Variants in FHIT observed in about 807,000 individuals in gnomAD.
FHIT encodes the protein bis(5'-adenosyl)-triphosphatase.
In FHIT, 19 loss-of-function variants were observed where a neutral mutation model predicts 17.9. The ratio of observed to expected loss-of-function variants is 1.06; its 90% CI spans 0.74 to 1.56. The LOEUF is 1.56. Ranked by LOEUF, FHIT falls within the 40% of genes most tolerant of loss-of-function variation. The pLI is 0.00. For synonymous variants in FHIT, 81 were observed against 69.7 expected (o/e 1.16, Z -0.81); for missense variants, 248 against 189.2 (o/e 1.31, Z -1.82).
intron 4 of FHIT, among the ~76,000 whole-genome samples, chr3:60,555,108 C>A (rs1576869485): frequency 6.6e-6 from 1 of 152,326 alleles, no homozygotes; most frequent in South Asian, 2.1e-4. Context: ...TGCACATCTT[C>A]CTTCAATCCT....
intron 2 of FHIT, among the ~76,000 whole-genome samples, chr3:61,183,318 G>GTGAA (rs147134285): frequency 6.6e-6 from 1 of 151,860 alleles, no homozygotes; most frequent in African/African-American, 2.4e-5. Flanking sequence ...TCAACCACAA[G>GTGAA]TGAATGAATG....
chr3:60,304,048 C>A (rs1708560065), intron 5 of FHIT, among the ~76,000 whole-genome samples: 1 of 152,158 alleles, frequency 6.6e-6, no homozygotes, highest in African/African-American at 2.4e-5. Flanking sequence ...TGCACCTTGG[C>A]TCTTGCTTGT....
chr3:60,291,750 G>A (rs1445392534), intron 5 of FHIT, among the ~76,000 whole-genome samples: 1 of 152,184 alleles, frequency 6.6e-6, no homozygotes, highest in South Asian at 2.1e-4. Context: ...TAAATCCAAT[G>A]ACTGGTATCT....
At chr3:60,910,135 TCC>T (rs1706656584) in intron 3 of FHIT, among the ~76,000 whole-genome samples, 2 of 152,152 alleles carry the variant, frequency 1.3e-5, no homozygotes, top group Non-Finnish European at 2.9e-5. Flanking sequence ...GCCCCATCTC[TCC>T]GCCAGAGATA....
At chr3:60,035,593 A>T (rs1427524039) in intron 5 of FHIT, among the ~76,000 whole-genome samples, 5 of 152,170 alleles carry the variant, frequency 3.3e-5, no homozygotes, top group African/African-American at 1.2e-4. Flanking sequence ...GCAAACTTTC[A>T]GTTTGGGGGT....
At chr3:60,312,118 T>G (rs1708976885) in intron 5 of FHIT, among the ~76,000 whole-genome samples, 1 of 151,996 alleles carries the variant, frequency 6.6e-6, no homozygotes, top group Admixed American at 6.6e-5. Context: ...TGTGTAGGAG[T>G]ATAGATGCTC....
At chr3:60,713,987 G>C (rs1378822567) in intron 4 of FHIT, among the ~76,000 whole-genome samples, 53 of 151,968 alleles carry the variant, frequency 3.5e-4, no homozygotes, top group African/African-American at 1.1e-3. Context: ...CCAAAAAAGA[G>C]AATTTTAGAC....
intron 4 of FHIT, among the ~76,000 whole-genome samples, chr3:60,650,589 A>G (rs2039967918): frequency 6.6e-6 from 1 of 152,222 alleles, no homozygotes; most frequent in Non-Finnish European, 1.5e-5. Context: ...AAAAGGCAGG[A>G]AATCTAACAT....
At chr3:59,970,504 T>C (rs1476451701) in intron 7 of FHIT, among the ~76,000 whole-genome samples, 1 of 152,104 alleles carries the variant, frequency 6.6e-6, no homozygotes, top group Non-Finnish European at 1.5e-5. Context: ...ACAAATTTAT[T>C]TTGTCACGAG....
chr3:60,007,079 A>T (rs1310541515), intron 7 of FHIT, among the ~76,000 whole-genome samples: 1 of 152,168 alleles, frequency 6.6e-6, no homozygotes, highest in African/African-American at 2.4e-5. Flanking sequence ...AGAAGAGTGT[A>T]AGCAAGCATA....
chr3:60,976,097 T>TA (rs1491341669), intron 3 of FHIT, among the ~76,000 whole-genome samples: 2 of 38,112 alleles, frequency 5.2e-5, no homozygotes, highest in Non-Finnish European at 1.1e-4. Context: ...TTTCTTTTTC[T>TA]TTTTTTTTTT....
intron 5 of FHIT, among the ~76,000 whole-genome samples, chr3:60,099,856 G>C (rs1488093176): frequency 1.3e-5 from 2 of 152,120 alleles, no homozygotes; most frequent in Non-Finnish European, 2.9e-5. Context: ...GGAAACTCTG[G>C]CTGATTTACC....
At chr3:60,577,151 T>C (rs2037597583) in intron 4 of FHIT, among the ~76,000 whole-genome samples, 1 of 152,166 alleles carries the variant, frequency 6.6e-6, no homozygotes, top group Admixed American at 6.5e-5. Context: ...TTTTTGGTTT[T>C]AACCTATCAT....
At chr3:60,025,424 A>G (rs1463751509) in intron 5 of FHIT, among the ~76,000 whole-genome samples, 1 of 152,218 alleles carries the variant, frequency 6.6e-6, no homozygotes, top group African/African-American at 2.4e-5. Flanking sequence ...ATGATTAGAA[A>G]CAGGCTCAGA....
intron 4 of FHIT, among the ~76,000 whole-genome samples, chr3:60,715,724 A>T (rs2041666871): frequency 6.6e-6 from 1 of 152,072 alleles, no homozygotes; most frequent in Admixed American, 6.6e-5. Context: ...ATACATATGT[A>T]ACTAACCTGC....
At chr3:60,149,483 T>C (rs760289037) in intron 5 of FHIT, among the ~76,000 whole-genome samples, 9 of 152,118 alleles carry the variant, frequency 5.9e-5, no homozygotes, top group Non-Finnish European at 1.0e-4. Flanking sequence ...AAAACAAGTA[T>C]ATGGTATTTT....
At position 60,624,850 on chromosome 3, in the gene FHIT, A is replaced by T. The variant is rs181075152; in HGVS notation, c.-17-87871T>A. 8.4e-4 allele frequency among the ~76,000 whole-genome samples: 128 copies of T among 151,826 alleles called. 3 individuals carry two copies. Among genetic ancestry groups the T allele is most frequent in the Admixed American group, 7.7e-3 (118 of 15,252 alleles). Reference sequence around the variant, plus strand: ...TGATATTGAATTGACAGGATATGCCATGTTTGTCCATTCAGAAATTGATAA... The same window carrying T: ...TGATATTGAATTGACAGGATATGCCTTGTTTGTCCATTCAGAAATTGATAA... On this transcript the variant is annotated intron_variant, in intron 4 of 9. Transcript: ENST00000492590.
intron 5 of FHIT, among the ~76,000 whole-genome samples, chr3:60,090,634 C>G (rs764989964): frequency 6.6e-6 from 1 of 152,146 alleles, no homozygotes; most frequent in African/African-American, 2.4e-5. Context: ...AAGGTGACAA[C>G]CCTTTCTCTG....
chr3:61,124,944 T>C (rs2036566300), intron 2 of FHIT, among the ~76,000 whole-genome samples: 1 of 152,190 alleles, frequency 6.6e-6, no homozygotes, highest in African/African-American at 2.4e-5. Flanking sequence ...TGCTGATGTT[T>C]CATCAGTTAC....
Sources: gnomAD v4.1 joint callset for allele counts (sites outside exome capture counted in the v4.1 genomes callset) on GRCh38, gnomAD v4.1.1 for gene constraint, MANE v1.5 for transcripts, NCBI Gene and HGNC (gene_info 2026-07-23, HGNC 2026-07-21) for gene names.